KLHL14: variants seen among roughly 807,000 people sequenced by gnomAD.
KLHL14 encodes the protein kelch like family member 14, also known as kelch-like protein 14.
In KLHL14, 22 loss-of-function variants were observed where a neutral mutation model predicts 64.3. The ratio of observed to expected loss-of-function variants is 0.34; its 90% confidence interval spans 0.24 to 0.49. The LOEUF (loss-of-function observed/expected upper bound fraction) is 0.49, where lower values mean the gene tolerates loss of function less well. Among genes scored for constraint, KLHL14 ranks in the 20% least tolerant of loss-of-function variants. KLHL14 has a pLI of 0.99. For synonymous variants in KLHL14, 322 were observed against 333.4 expected, an observed-to-expected ratio of 0.97 and a Z score of 0.37; for missense variants, 661 against 789.0, an observed-to-expected ratio of 0.84 and a Z score of 1.94.
At position 32,682,871 on chromosome 18, in the gene KLHL14, T is replaced by A. The variant is rs2049849574; in HGVS notation, c.1239-2272A>T. Among the ~76,000 whole-genome samples, 7 of 152,322 alleles carry A rather than the reference T, an allele frequency of 4.6e-5. No homozygotes were observed. In the South Asian group the frequency reaches 1.5e-3, roughly 32 times the overall value. On this transcript the variant is annotated intron_variant, in intron 5 of 8. Transcript: ENST00000359358. ...CACTAAGGTAGGTCAGTACACTTCTTCCATGTGATTCTAGGGGCCTCTGAA... is the reference window on the plus strand; with the variant it reads ...CACTAAGGTAGGTCAGTACACTTCTACCATGTGATTCTAGGGGCCTCTGAA...
At chr18:32,690,741 C>CAAAAT (rs1189418913) in intron 4 of KLHL14, among the ~76,000 whole-genome samples, 4 of 151,960 alleles carry the variant, frequency 2.6e-5, no homozygotes, top group African/African-American at 9.7e-5. Context: ...CAAAACAAAA[C>CAAAAT]AAAATAAAAC....
chr18:32,769,382 T>A (rs899146760), intron 2 of KLHL14, among the ~76,000 whole-genome samples: 6 of 152,130 alleles, frequency 3.9e-5, no homozygotes, highest in Non-Finnish European at 5.9e-5. Flanking sequence ...AGTCCACAAT[T>A]CCCATGTTTA....
At chr18:32,715,354 C>T (rs2050040015) in intron 3 of KLHL14, among the ~76,000 whole-genome samples, 1 of 152,074 alleles carries the variant, frequency 6.6e-6, no homozygotes, top group East Asian at 1.9e-4. Flanking sequence ...GGAATAATTT[C>T]ACAGAAGAGA....
At chr18:32,691,170 G>A (rs1443883273) in intron 4 of KLHL14, among the ~76,000 whole-genome samples, 1 of 152,224 alleles carries the variant, frequency 6.6e-6, no homozygotes, top group Admixed American at 6.5e-5. Flanking sequence ...TGTTTCTCTA[G>A]ATGTTTGGTT....
intron 2 of KLHL14, among the ~76,000 whole-genome samples, chr18:32,749,454 G>C (rs1462847973): frequency 1.3e-5 from 2 of 152,152 alleles, no homozygotes; most frequent in Non-Finnish European, 2.9e-5. Flanking sequence ...CAAGAATGTT[G>C]TAAGGGTTAA....
At chr18:32,751,029 A>G (rs1041024664) in intron 2 of KLHL14, among the ~76,000 whole-genome samples, 1 of 152,186 alleles carries the variant, frequency 6.6e-6, no homozygotes, top group African/African-American at 2.4e-5. Flanking sequence ...GGGGGATAAA[A>G]GAGCTTGTGA....
Position 32,686,192 on chromosome 18 carries a change from T to G in KLHL14, c.1238+963A>C, listed in dbSNP as rs1015580403. ...GTGCCCGGCTATTTTTTTTTTTTTTTTTTTTTTTTGTATTTTTTAGTAGAG... is the reference window on the plus strand; with the variant it reads ...GTGCCCGGCTATTTTTTTTTTTTTTGTTTTTTTTTGTATTTTTTAGTAGAG... On this transcript the variant is annotated intron_variant, in intron 5 of 8. Coordinates refer to ENST00000359358, the MANE Select transcript of KLHL14 (RefSeq NM_020805.3). Among the ~76,000 whole-genome samples the G allele has an allele frequency of 4.5e-4, 67 of 148,040 alleles. 2 individuals carry two copies. Among genetic ancestry groups the G allele is most frequent in the Middle Eastern group, 3.5e-3 (1 of 288 alleles).
intron 3 of KLHL14, among the ~76,000 whole-genome samples, chr18:32,713,743 A>G (rs538793276): frequency 6.6e-6 from 1 of 152,306 alleles, no homozygotes; most frequent in East Asian, 1.9e-4. Context: ...GTTCATTAAT[A>G]GTTTTTAATA....
intron 3 of KLHL14, among the ~76,000 whole-genome samples, chr18:32,716,208 T>A (rs2050044360): frequency 6.6e-6 from 1 of 152,182 alleles, no homozygotes; most frequent in South Asian, 2.1e-4. Context: ...GGTTTATATA[T>A]TATTCTAATA....
In KLHL14 at chr18:32,680,205, C is replaced by A; in HGVS notation, c.1552G>T (p.Asp518Tyr). 1 of 1,613,772 alleles carries A rather than the reference C, an allele frequency of 6.2e-7. No homozygotes were observed. The highest frequency in any genetic ancestry group is 8.5e-7 in the Non-Finnish European group (1 of 1,179,788). Residue 518 changes from aspartate to tyrosine, a missense_variant, in exon 7 of 9, where the codon GAT becomes TAT. Coordinates refer to ENST00000359358, the MANE Select transcript of KLHL14 (RefSeq NM_020805.3). The surrounding 1 kb of genome is among the most constrained non-coding windows in gnomAD (Gnocchi z 4.8). ...RAIHTLAVMN[D>Y]RLYAIGGNHL... Reference sequence around the variant, plus strand: ...TTTCCTCCAATTGCATACAAGCGATCATTCATTACAGCCAAAGTGTGAATT... The same window carrying A: ...TTTCCTCCAATTGCATACAAGCGATAATTCATTACAGCCAAAGTGTGAATT...
At chr18:32,742,838 A>G (rs1032652749) in intron 2 of KLHL14, 3 of 152,082 alleles carry the variant, frequency 2.0e-5, no homozygotes, top group African/African-American at 7.3e-5. Flanking sequence ...CTGTTTTTCT[A>G]CCTTCTCCCC....
At chr18:32,678,488 A>G (rs1050809696) in intron 7 of KLHL14, among the ~76,000 whole-genome samples, 4 of 152,188 alleles carry the variant, frequency 2.6e-5, no homozygotes, top group Non-Finnish European at 5.9e-5. Context: ...ACTCACTGCA[A>G]CACCAGAGTA....
chr18:32,691,508 A>G (rs1461988895), intron 4 of KLHL14, among the ~76,000 whole-genome samples: 2 of 152,156 alleles, frequency 1.3e-5, no homozygotes, highest in Non-Finnish European at 2.9e-5. Flanking sequence ...TGCACCTTCC[A>G]GCCTGGATAA....
intron 4 of KLHL14, among the ~76,000 whole-genome samples, chr18:32,693,413 C>CAGAGAGAGAGAGAGAGAGAGAG (rs56135629): frequency 7.2e-5 from 7 of 97,028 alleles, no homozygotes; most frequent in African/African-American, 3.4e-4. Flanking sequence ...CACACACACA[C>CAGAGAGAGAGAGAGAGAGAGAG]AGAGAGAGAG....
intron 7 of KLHL14, 68 bp from the exon 8 acceptor site, chr18:32,677,398 T>C: frequency 7.0e-7 from 1 of 1,425,260 alleles, no homozygotes; most frequent in Non-Finnish European, 9.4e-7. Context: ...AGGCTAGGGC[T>C]TCTTTTAAAA....
intron 3 of KLHL14, among the ~76,000 whole-genome samples, chr18:32,734,985 C>T (rs146327663): frequency 1.3e-5 from 2 of 152,232 alleles, no homozygotes; most frequent in African/African-American, 4.8e-5. Context: ...TGAATTGTGG[C>T]CTGTCCATAA....
rs766608452 is a variant in KLHL14 at position 32,769,847 on chromosome 18, C to G, written c.745G>C (p.Asp249His). 6.7e-5 allele frequency: 108 copies of G among 1,613,682 alleles called. No homozygotes were observed. The highest frequency in any genetic ancestry group is 8.9e-5 in the Non-Finnish European group (105 of 1,180,008). ...GCATACTGCATGCGGGTCTCGCGGT[C>G]GTGCTCCAGCCACAGCACGGACATC... ...FQMSVLWLEH[D>H]RETRMQYAPD... Residue 249 changes from aspartate (D) to histidine (H), a missense_variant, in exon 2 of 9, where the codon GAC (aspartate) becomes CAC (histidine). Physicochemically the swap from Asp to His is moderately conservative, Grantham distance 81. Around this residue, in one of 2 missense-constraint regions of KLHL14, gnomAD observed 331 missense variants for 339.0 expected, o/e 0.98. Transcript: ENST00000359358.
At chr18:32,752,955 TTGTGTGTGTGTGTGTGTGTG>T (rs71177874) in intron 2 of KLHL14, among the ~76,000 whole-genome samples, 2 of 142,314 alleles carry the variant, frequency 1.4e-5, no homozygotes. Flanking sequence ...AGCATCATAT[TTGTGTGTGTGTGTGTGTGTG>T]TGTGTGTGTG....
Position 32,680,371 on chromosome 18 carries a change from A to T in KLHL14, c.1429+38T>A. The T allele has an allele frequency of 6.2e-7, 1 of 1,613,676 alleles. No homozygotes were observed. The highest frequency in any genetic ancestry group is 1.1e-5 in the South Asian group (1 of 91,074). On this transcript the variant is annotated intron_variant, in intron 6 of 8. Coordinates refer to ENST00000359358, the MANE Select transcript of KLHL14 (RefSeq NM_020805.3). The surrounding 1 kb of genome is among the most constrained non-coding windows in gnomAD (Gnocchi z 4.8). ...CATACAAGTCAAGAGAGTGCTTTGGAACTGAACTTTGTAACAGAAAGTGGA... is the reference window on the plus strand; with the variant it reads ...CATACAAGTCAAGAGAGTGCTTTGGTACTGAACTTTGTAACAGAAAGTGGA...
Sources: gnomAD v4.1 joint callset for allele counts (sites outside exome capture counted in the v4.1 genomes callset) on GRCh38, gnomAD v4.1.1 for gene constraint, gnomAD v4.1.1 regional missense constraint, Gnocchi (gnomAD v3.1) non-coding constraint, MANE v1.5 for transcripts, NCBI Gene and HGNC (gene_info 2026-07-23, HGNC 2026-07-21) for gene names.